Variants in ZCCHC7 observed in about 807,000 individuals in gnomAD.
ZCCHC7 encodes zinc finger CCHC-type containing 7.
Under a neutral mutation model 52.0 loss-of-function variants are expected in ZCCHC7, and 35 were observed. The ratio of observed to expected loss-of-function variants is 0.67; its 90% CI spans 0.51 to 0.89. The LOEUF (loss-of-function observed/expected upper bound fraction) is 0.89. ZCCHC7 is among the 40% of genes least tolerant of loss of function. The probability of loss-of-function intolerance (pLI) is 0.00; values close to 1 mark genes in which losing one functional copy is unlikely to be tolerated. For synonymous variants in ZCCHC7, 217 were observed against 221.5 expected (o/e 0.98, Z 0.18); for missense variants, 574 against 649.1 (o/e 0.88, Z 1.26).
intron 2 of ZCCHC7, among the ~76,000 whole-genome samples, chr9:37,160,835 G>A (rs1171282928): frequency 6.6e-6 from 1 of 152,030 alleles, no homozygotes; most frequent in Non-Finnish European, 1.5e-5. Flanking sequence ...GCAGTGAACC[G>A]AGATCGTGCC....
chr9:37,232,941 G>T (rs578073749), intron 2 of ZCCHC7, among the ~76,000 whole-genome samples: 1 of 152,118 alleles, frequency 6.6e-6, no homozygotes, highest in Non-Finnish European at 1.5e-5. Flanking sequence ...TTGTGTCTTC[G>T]TGTTTTATAT....
chr9:37,285,603 C>A (rs762474800), intron 2 of ZCCHC7, among the ~76,000 whole-genome samples: 4 of 152,040 alleles, frequency 2.6e-5, no homozygotes, highest in African/African-American at 4.8e-5. Flanking sequence ...TTGAAAAAAT[C>A]AAATTTATAT....
intron 2 of ZCCHC7, among the ~76,000 whole-genome samples, chr9:37,225,704 C>T (rs2133284411): frequency 6.6e-6 from 1 of 152,280 alleles, no homozygotes; most frequent in Middle Eastern, 3.4e-3. Flanking sequence ...TCAATAGATG[C>T]AGATAAAGCA....
intron 3 of ZCCHC7, among the ~76,000 whole-genome samples, chr9:37,302,634 C>T (rs1829088560): frequency 1.3e-5 from 2 of 152,226 alleles, no homozygotes; most frequent in Admixed American, 1.3e-4. Flanking sequence ...AATTTTATAA[C>T]TTGGTTTTGG....
rs547973188 is a variant in ZCCHC7, at chr9:37,237,617, T to A, written c.611-64571T>A. 7.9e-5 allele frequency among the ~76,000 whole-genome samples: 12 copies of A among 152,358 alleles called. No individual in the cohort carries two copies. In the South Asian group the frequency reaches 1.7e-3, roughly 21 times the overall value. ...GTATTTTCACACAATGGTCACTTAG[T>A]TCAAATAATTCATAAATTTTTGGCA... On this transcript the variant is annotated intron_variant, in intron 2 of 8. Coordinates refer to ENST00000336755, the MANE Select transcript of ZCCHC7 (RefSeq NM_032226.3).
chr9:37,305,435 T>C, intron 4 of ZCCHC7, 109 bp from the exon 5 acceptor site: 2 of 1,288,224 alleles, frequency 1.6e-6, no homozygotes, highest in South Asian at 1.4e-5. Context: ...TCTACCTTTA[T>C]TGGGATCTCA....
chr9:37,227,028 C>CAA (rs895936555), intron 2 of ZCCHC7, among the ~76,000 whole-genome samples: 2,931 of 92,324 alleles, frequency 0.032, 121 homozygotes, highest in East Asian at 0.1. Context: ...GACTCCGTCT[C>CAA]AAAAAAAAAA....
chr9:37,331,606 T>C (rs1008492049), intron 6 of ZCCHC7, among the ~76,000 whole-genome samples: 1 of 151,620 alleles, frequency 6.6e-6, no homozygotes, highest in Non-Finnish European at 1.5e-5. Context: ...ATCCTGAGAT[T>C]GTGATGTAAG....
chr9:37,210,867 G>A (rs1824179758), intron 2 of ZCCHC7, among the ~76,000 whole-genome samples: 1 of 152,164 alleles, frequency 6.6e-6, no homozygotes, highest in Non-Finnish European at 1.5e-5. Context: ...ATAACTAAAA[G>A]AGGTTTGAAA....
intron 2 of ZCCHC7, among the ~76,000 whole-genome samples, chr9:37,267,100 C>T (rs1827141359): frequency 6.6e-6 from 1 of 152,112 alleles, no homozygotes. Context: ...GTTTCAAAGG[C>T]TTTGGAAGAT....
intron 2 of ZCCHC7, among the ~76,000 whole-genome samples, chr9:37,160,868 A>C (rs1303481232): frequency 6.6e-6 from 1 of 152,152 alleles, no homozygotes; most frequent in Non-Finnish European, 1.5e-5. Context: ...CCTAGGCGAC[A>C]AGAGCGAAAC....
intron 2 of ZCCHC7, among the ~76,000 whole-genome samples, chr9:37,299,947 C>G (rs1352483988): frequency 2.6e-5 from 4 of 152,130 alleles, no homozygotes; most frequent in African/African-American, 9.7e-5. Context: ...ATACAGTTTT[C>G]ATAGGCTGTG....
At chr9:37,320,331 G>T (rs1830000694) in intron 5 of ZCCHC7, among the ~76,000 whole-genome samples, 1 of 152,170 alleles carries the variant, frequency 6.6e-6, no homozygotes, top group African/African-American at 2.4e-5. Flanking sequence ...GCCAACCTTG[G>T]CCTCCCAAAG....
At chr9:37,306,644 T>C (rs1829326068) in intron 5 of ZCCHC7, among the ~76,000 whole-genome samples, 1 of 149,274 alleles carries the variant, frequency 6.7e-6, no homozygotes, top group Non-Finnish European at 1.5e-5. Context: ...TTTTTATTTT[T>C]AGTAGATACG....
chr9:37,139,401 T>G (rs943001358), intron 2 of ZCCHC7, among the ~76,000 whole-genome samples: 1 of 152,022 alleles, frequency 6.6e-6, no homozygotes. Context: ...TGACTTGCTT[T>G]TTAGTTTGAA....
At chr9:37,226,990 C>T (rs1825141349) in intron 2 of ZCCHC7, among the ~76,000 whole-genome samples, 1 of 143,146 alleles carries the variant, frequency 7.0e-6, no homozygotes, top group South Asian at 2.2e-4. Flanking sequence ...GATTGCGGCA[C>T]TGCACTCCAG....
chr9:37,268,841 A>T (rs1001319942), intron 2 of ZCCHC7, among the ~76,000 whole-genome samples: 3 of 152,200 alleles, frequency 2.0e-5, no homozygotes, highest in African/African-American at 7.2e-5. Context: ...TACTCTATTC[A>T]TGTGGTCTTT....
chr9:37,336,115 T>G (rs1830638089), intron 6 of ZCCHC7, among the ~76,000 whole-genome samples: 3 of 152,220 alleles, frequency 2.0e-5, no homozygotes, highest in East Asian at 1.9e-4. Flanking sequence ...AGCATAGCAG[T>G]TTTTTGCACT....
At chr9:37,227,761 C>T (rs191977224) in intron 2 of ZCCHC7, among the ~76,000 whole-genome samples, 88 of 152,250 alleles carry the variant, frequency 5.8e-4, no homozygotes, top group Non-Finnish European at 1.1e-3. Context: ...TGATGCATTC[C>T]ACAACATGGA....
Sources: allele counts gnomAD v4.1 joint callset (sites outside exome capture counted in the v4.1 genomes callset), GRCh38; gene constraint gnomAD v4.1.1; transcripts MANE v1.5; gene names NCBI Gene and HGNC (gene_info 2026-07-23, HGNC 2026-07-21).